TRDN: variants seen among roughly 807,000 people sequenced by gnomAD.
TRDN encodes triadin.
In TRDN, 161 loss-of-function variants were observed where a neutral mutation model predicts 149.7. That is an observed-to-expected ratio of 1.08 (90% confidence interval 0.95 to 1.23). The LOEUF (loss-of-function observed/expected upper bound fraction) is 1.23, where lower values mean the gene tolerates loss of function less well. Ranked by LOEUF, TRDN falls within the 50% of genes most tolerant of loss-of-function variation. The pLI is 0.00. For missense variants in TRDN, 896 were observed against 823.5 expected (o/e 1.09, Z -1.08); for synonymous variants, 294 against 250.5 (o/e 1.17, Z -1.64).
At chr6:123,619,879 C>T (rs569743929) in intron 1 of TRDN, among the ~76,000 whole-genome samples, 1 of 152,102 alleles carries the variant, frequency 6.6e-6, no homozygotes, top group Admixed American at 6.6e-5. Flanking sequence ...CAGAACCCTG[C>T]AGGTCCAGAG....
At chr6:123,453,201 G>T (rs981186753) in intron 10 of TRDN, among the ~76,000 whole-genome samples, 1 of 152,016 alleles carries the variant, frequency 6.6e-6, no homozygotes, top group Non-Finnish European at 1.5e-5. Context: ...CTTAGGCAAA[G>T]ATTTCATGAC....
Position 123,468,549 on chromosome 6 carries a change from A to C in TRDN, c.854-3566T>G, listed in dbSNP as rs1776968284. On this transcript the variant is annotated intron_variant, in intron 9 of 40. Coordinates refer to ENST00000334268, the MANE Select transcript of TRDN (RefSeq NM_006073.4). ...AGTGTGCATTCATTCTAATGATCTA[A>C]GTTACTGATGTTTTCTTTACTTTCC... 2.0e-5 allele frequency among the ~76,000 whole-genome samples: 3 copies of C among 152,290 alleles called. No individual in the cohort carries two copies. In the South Asian group the frequency reaches 6.2e-4, roughly 32 times the overall value.
chr6:123,542,267 GA>G (rs756382681), intron 4 of TRDN, among the ~76,000 whole-genome samples: 2 of 152,152 alleles, frequency 1.3e-5, no homozygotes, highest in Non-Finnish European at 2.9e-5. Context: ...ATTTCAAAGA[GA>G]AAGTAGTTAG....
intron 14 of TRDN, among the ~76,000 whole-genome samples, chr6:123,384,278 C>T (rs1781826237): frequency 6.6e-6 from 1 of 152,058 alleles, no homozygotes; most frequent in Non-Finnish European, 1.5e-5. Context: ...CTTGATAGTT[C>T]AATGTCCGTT....
At chr6:123,426,046 G>A (rs1247146077) in intron 12 of TRDN, among the ~76,000 whole-genome samples, 1 of 151,994 alleles carries the variant, frequency 6.6e-6, no homozygotes, top group Non-Finnish European at 1.5e-5. Flanking sequence ...TTAGCAGGTG[G>A]GGAAGGCATA....
intron 38 of TRDN, among the ~76,000 whole-genome samples, chr6:123,225,760 C>T (rs1438294165): frequency 6.6e-6 from 1 of 151,700 alleles, no homozygotes; most frequent in African/African-American, 2.4e-5. Context: ...CACAATGACT[C>T]TTAAGTTGTA....
chr6:123,623,214 T>G (rs1008659611), intron 1 of TRDN, among the ~76,000 whole-genome samples: 7 of 152,054 alleles, frequency 4.6e-5, no homozygotes, highest in African/African-American at 1.7e-4. Context: ...AGTAGCAAAT[T>G]GAGGCAAACA....
At chr6:123,453,806 T>C (rs1217028820) in intron 10 of TRDN, among the ~76,000 whole-genome samples, 1 of 152,068 alleles carries the variant, frequency 6.6e-6, no homozygotes, top group African/African-American at 2.4e-5. Flanking sequence ...TGAACACGCA[T>C]GTTTATAGCA....
At chr6:123,500,534 A>C (rs1778653577) in intron 8 of TRDN, among the ~76,000 whole-genome samples, 1 of 152,192 alleles carries the variant, frequency 6.6e-6, no homozygotes, top group Non-Finnish European at 1.5e-5. Context: ...TTGTCCTGCC[A>C]TTCTAACTTT....
intron 10 of TRDN, chr6:123,445,080 G>A (rs1239382900): frequency 6.6e-6 from 1 of 151,802 alleles, no homozygotes; most frequent in Admixed American, 6.6e-5. Flanking sequence ...GATTGGAATA[G>A]TTTCAGAAGG....
chr6:123,308,510 T>A (rs374820669), intron 24 of TRDN, among the ~76,000 whole-genome samples: 4 of 151,926 alleles, frequency 2.6e-5, no homozygotes, highest in African/African-American at 9.7e-5. Flanking sequence ...TTTTCTCAGG[T>A]TTGAAGAACT....
intron 12 of TRDN, among the ~76,000 whole-genome samples, chr6:123,412,162 T>A (rs571463356): frequency 6.6e-6 from 1 of 152,252 alleles, no homozygotes; most frequent in Admixed American, 6.5e-5. Flanking sequence ...TGGAATCTTA[T>A]GTAGTTATTA....
chr6:123,323,553 C>T (rs371022317), intron 23 of TRDN, among the ~76,000 whole-genome samples: 3 of 152,274 alleles, frequency 2.0e-5, no homozygotes, highest in Admixed American at 6.5e-5. Flanking sequence ...GTAATGCAGG[C>T]GCTTAAGTCA....
chr6:123,452,558 C>T (rs906798758), intron 10 of TRDN, among the ~76,000 whole-genome samples: 1 of 151,844 alleles, frequency 6.6e-6, no homozygotes, highest in Non-Finnish European at 1.5e-5. Context: ...GTCGAAAGAC[C>T]TCTACAAGGA....
chr6:123,312,611 G>T (rs1778867587), intron 24 of TRDN, among the ~76,000 whole-genome samples: 1 of 151,992 alleles, frequency 6.6e-6, no homozygotes, highest in South Asian at 2.1e-4. Context: ...GTTACATCTG[G>T]ATTTTCAACT....
intron 1 of TRDN, among the ~76,000 whole-genome samples, chr6:123,593,212 C>A (rs372806441): frequency 1.3e-5 from 2 of 152,314 alleles, no homozygotes; most frequent in African/African-American, 4.8e-5. Context: ...TATATAACAT[C>A]TCTGCACCAG....
intron 20 of TRDN, among the ~76,000 whole-genome samples, chr6:123,359,114 C>G (rs1277556503): frequency 6.6e-6 from 1 of 152,074 alleles, no homozygotes; most frequent in Non-Finnish European, 1.5e-5. Flanking sequence ...AATATTGCAT[C>G]AGTTTAGTCT....
chr6:123,596,535 A>G (rs1784045601), intron 1 of TRDN, among the ~76,000 whole-genome samples: 1 of 152,138 alleles, frequency 6.6e-6, no homozygotes, highest in Non-Finnish European at 1.5e-5. Context: ...TAGGATTTTT[A>G]TAAATCAATT....
At chr6:123,422,185 T>C (rs1773934382) in intron 12 of TRDN, among the ~76,000 whole-genome samples, 1 of 152,116 alleles carries the variant, frequency 6.6e-6, no homozygotes, top group Admixed American at 6.6e-5. Context: ...CTGAACATCC[T>C]TGGATTTTGG....
Sources: gnomAD v4.1 joint callset for allele counts (sites outside exome capture counted in the v4.1 genomes callset) on GRCh38, gnomAD v4.1.1 for gene constraint, MANE v1.5 for transcripts, NCBI Gene and HGNC (gene_info 2026-07-23, HGNC 2026-07-21) for gene names.